SCFD2: variants seen among roughly 807,000 people sequenced by gnomAD.
SCFD2 encodes sec1 family domain-containing protein 2.
A neutral mutation model predicts 58.9 loss-of-function variants in SCFD2; 54 were observed. That is an observed-to-expected ratio of 0.92 (90% CI 0.74 to 1.15). The LOEUF (loss-of-function observed/expected upper bound fraction) is 1.15, where lower values mean the gene tolerates loss of function less well. Ranked by LOEUF, SCFD2 falls within the 50% of genes most tolerant of loss-of-function variation. The pLI is 0.00. For missense variants in SCFD2, 805 were observed against 836.6 expected (o/e 0.96, Z 0.47); for synonymous variants, 321 against 335.9 (o/e 0.96, Z 0.49).
chr4:52,993,006 C>T (rs6850281), intron 5 of SCFD2, among the ~76,000 whole-genome samples: 147,069 of 151,448 alleles, frequency 0.97, 71,561 homozygotes, highest in Middle Eastern at 1. Context: ...TGTGTCTGTG[C>T]AGAGGGAAGT....
In SCFD2 at chr4:52,907,650, GC is replaced by G. The variant is rs2109471940; in HGVS notation, c.1708-60del. The G allele has an allele frequency of 2.6e-6, 4 of 1,545,540 alleles. No homozygotes were observed. The South Asian group carries it at 4.5e-5, about 17-fold the overall frequency. ...GTTTGGTTTGTCTGGAGAGAGGACA[GC>G]TTTATCTGCAATGAAGAAAGCAAAG... On this transcript the variant is annotated intron_variant, in intron 6 of 8. Transcript: ENST00000401642.
chr4:52,971,770 G>A (rs990924439), intron 5 of SCFD2, among the ~76,000 whole-genome samples: 1 of 152,194 alleles, frequency 6.6e-6, no homozygotes, highest in African/African-American at 2.4e-5. Context: ...CAGAGAGAAA[G>A]GTCGGGTTAC....
chr4:53,116,197 A>G (rs1725313669), intron 5 of SCFD2, among the ~76,000 whole-genome samples: 1 of 152,148 alleles, frequency 6.6e-6, no homozygotes, highest in African/African-American at 2.4e-5. Flanking sequence ...GTTAGTCAGG[A>G]TAGAAAGGAT....
rs560908944 is a variant in SCFD2, at chr4:52,874,066, C to T, written c.1963-5G>A. The T allele has an allele frequency of 1.2e-6, 2 of 1,608,172 alleles. No individual in the cohort carries two copies. The highest frequency in any genetic ancestry group is 2.7e-5 in the African/African-American group (2 of 74,910). ...TCGTGTGGACAGCACGATTACCTAA[C>T]AACAGGAGAGGGCAAACACACCGCA... On this transcript the variant is annotated splice_region_variant and splice_polypyrimidine_tract_variant and intron_variant, in intron 8 of 8. Transcript: ENST00000401642.
Position 53,125,562 on chromosome 4 carries a change from G to C in SCFD2, c.1561+19771C>G, listed in dbSNP as rs1725602404. Among the ~76,000 whole-genome samples the C allele has an allele frequency of 2.0e-5, 3 of 152,240 alleles. No homozygotes were observed. The South Asian group carries it at 6.2e-4, about 31-fold the overall frequency. On this transcript the variant is annotated intron_variant, in intron 5 of 8. Transcript: ENST00000401642. Reference sequence around the variant, plus strand: ...AAGCCAGTCAGCTTCCTGCTGTTGAGTAGCTAACCTCAGAAGATGGGACAC... The same window carrying C: ...AAGCCAGTCAGCTTCCTGCTGTTGACTAGCTAACCTCAGAAGATGGGACAC...
At chr4:53,238,096 A>C (rs1393607137) in intron 4 of SCFD2, among the ~76,000 whole-genome samples, 1 of 106,562 alleles carries the variant, frequency 9.4e-6, no homozygotes, top group Admixed American at 9.4e-5. Flanking sequence ...CTGGCCGGGC[A>C]GAGGGGCTCC....
intron 4 of SCFD2, among the ~76,000 whole-genome samples, chr4:53,201,923 T>C (rs1353821665): frequency 6.6e-6 from 1 of 152,210 alleles, no homozygotes; most frequent in African/African-American, 2.4e-5. Context: ...TTCTGGATAT[T>C]AGCCCTTTGT....
At chr4:53,174,926 C>T (rs1022737998) in intron 4 of SCFD2, among the ~76,000 whole-genome samples, 8 of 146,046 alleles carry the variant, frequency 5.5e-5, no homozygotes, top group Non-Finnish European at 1.1e-4. Flanking sequence ...CTGCCTATGC[C>T]GTACAGCACA....
intron 4 of SCFD2, among the ~76,000 whole-genome samples, chr4:53,209,853 A>G (rs1728553703): frequency 6.6e-6 from 1 of 152,072 alleles, no homozygotes; most frequent in Non-Finnish European, 1.5e-5. Context: ...GAGAACTCCA[A>G]TCAGTAAACC....
chr4:53,026,453 C>T (rs542021806), intron 5 of SCFD2, among the ~76,000 whole-genome samples: 18 of 152,324 alleles, frequency 1.2e-4, no homozygotes, highest in African/African-American at 4.1e-4. Context: ...AAGAATGCTG[C>T]CTCCAATTTC....
intron 5 of SCFD2, among the ~76,000 whole-genome samples, chr4:53,090,499 T>C (rs567278849): frequency 8.9e-4 from 136 of 152,234 alleles, no homozygotes; most frequent in Non-Finnish European, 1.7e-3. Context: ...GCTGGCTAAA[T>C]GAATATGTGA....
In SCFD2 at chr4:53,110,450, G is replaced by A. The variant is rs1725137401; in HGVS notation, c.1561+34883C>T. ...AAAAGAAATTATCATCAGAGTGAAT[G>A]GGCAACTTACACAATGGGAGAAAAT... On this transcript the variant is annotated intron_variant, in intron 5 of 8. Transcript: ENST00000401642. Among the ~76,000 whole-genome samples, 2 of 152,056 alleles carry A rather than the reference G, an allele frequency of 1.3e-5. 1 individual carries two copies. The highest frequency in any genetic ancestry group is 4.1e-4 in the South Asian group (2 of 4,826).
Position 53,215,758 on chromosome 4 carries a change from T to C in SCFD2, c.1311+58068A>G, listed in dbSNP as rs528678395. 3.5e-3 allele frequency among the ~76,000 whole-genome samples: 538 copies of C among 152,252 alleles called. 7 individuals carry two copies. Among genetic ancestry groups the C allele is most frequent in the African/African-American group, 0.012 (510 of 41,514 alleles). On this transcript the variant is annotated intron_variant, in intron 4 of 8. Transcript: ENST00000401642. Reference sequence around the variant, plus strand: ...AGGGAATGCTTCCAGTTTTTGCCCATTCAGTATGATATTGGCTGTGGGTTT... The same window carrying C: ...AGGGAATGCTTCCAGTTTTTGCCCACTCAGTATGATATTGGCTGTGGGTTT...
chr4:52,965,960 C>T (rs1259804427), intron 5 of SCFD2, among the ~76,000 whole-genome samples: 1 of 152,230 alleles, frequency 6.6e-6, no homozygotes, highest in African/African-American at 2.4e-5. Context: ...CAAATACAGA[C>T]TTCATGGGTG....
intron 2 of SCFD2, among the ~76,000 whole-genome samples, chr4:53,327,865 G>A (rs948606992): frequency 5.9e-5 from 9 of 152,066 alleles, no homozygotes; most frequent in East Asian, 1.9e-4. Flanking sequence ...AATAAAGATC[G>A]GCCGGGTGCA....
chr4:53,006,205 C>T (rs1721967897), intron 5 of SCFD2, among the ~76,000 whole-genome samples: 1 of 152,192 alleles, frequency 6.6e-6, no homozygotes, highest in African/African-American at 2.4e-5. Context: ...TTTCCCCTTG[C>T]CCAGCCCCCA....
chr4:53,248,455 C>T (rs1260031100), intron 4 of SCFD2, among the ~76,000 whole-genome samples: 3 of 152,216 alleles, frequency 2.0e-5, no homozygotes, highest in Non-Finnish European at 4.4e-5. Context: ...TCTGTAGGCT[C>T]CACCTCTAGG....
At chr4:53,301,223 A>C (rs996706459) in intron 3 of SCFD2, among the ~76,000 whole-genome samples, 1 of 152,330 alleles carries the variant, frequency 6.6e-6, no homozygotes, top group African/African-American at 2.4e-5. Flanking sequence ...AAAGAAGAAA[A>C]GAGAGAAGAA....
At chr4:53,235,848 G>A (rs997125121) in intron 4 of SCFD2, among the ~76,000 whole-genome samples, 2 of 152,176 alleles carry the variant, frequency 1.3e-5, no homozygotes, top group African/African-American at 4.8e-5. Context: ...AGGACAAAAA[G>A]GGAAATCTAT....
Sources: allele counts gnomAD v4.1 joint callset (sites outside exome capture counted in the v4.1 genomes callset), GRCh38; gene constraint gnomAD v4.1.1; transcripts MANE v1.5; gene names NCBI Gene and HGNC (gene_info 2026-07-23, HGNC 2026-07-21).